Variants in USP6NL observed in about 807,000 individuals in gnomAD.
USP6NL encodes USP6 N-terminal-like protein.
Under a neutral mutation model 61.9 loss-of-function variants are expected in USP6NL, and 26 were observed. The observed-to-expected ratio is 0.42, with a 90% CI of 0.31 to 0.58. USP6NL has a LOEUF of 0.58. Among genes scored for constraint, USP6NL ranks in the 20% least tolerant of loss-of-function variants. The pLI, the probability that USP6NL is intolerant of heterozygous loss-of-function variation, is 0.16. For synonymous variants in USP6NL, 432 were observed against 390.1 expected, an observed-to-expected ratio of 1.11 and a Z score of -1.27; for missense variants, 1,114 against 1,034.3, an observed-to-expected ratio of 1.08 and a Z score of -1.06.
At chr10:11,555,334 GA>G (rs1187852985) in intron 2 of USP6NL, among the ~76,000 whole-genome samples, 2 of 145,956 alleles carry the variant, frequency 1.4e-5, no homozygotes, top group African/African-American at 5.1e-5. Context: ...AGAATAGACT[GA>G]ACACGGGAAG....
chr10:11,485,682 G>C lies in USP6NL; in HGVS notation c.759+135C>G. ...AATCTAATGGTTTGTAAACAACTGG[G>C]AATTATAACTGCATAGTAAATGAAA... On this transcript the variant is annotated intron_variant, in intron 11 of 14. Coordinates refer to ENST00000609104, the MANE Select transcript of USP6NL (RefSeq NM_014688.5). The surrounding 1 kb of genome is among the most constrained non-coding windows in gnomAD (Gnocchi z 4.8). 1.6e-6 allele frequency: 1 copy of C among 616,882 alleles called. No individual in the cohort carries two copies. The highest frequency in any genetic ancestry group is 2.2e-5 in the South Asian group (1 of 46,172). 38.2% of individuals were successfully genotyped at this position (616,882 alleles called of 1,614,324 possible).
chr10:11,507,539 A>G (rs1834504958), intron 6 of USP6NL, among the ~76,000 whole-genome samples: 1 of 152,230 alleles, frequency 6.6e-6, no homozygotes, highest in Admixed American at 6.5e-5. Context: ...GCTCAAAAAG[A>G]AAAGGCTCAT....
intron 2 of USP6NL, among the ~76,000 whole-genome samples, chr10:11,577,657 A>G (rs1029221547): frequency 6.6e-6 from 1 of 151,762 alleles, no homozygotes; most frequent in Non-Finnish European, 1.5e-5. Context: ...CCTTGCCACC[A>G]CACCTATCTT....
chr10:11,501,019 A>G (rs1045850719), intron 7 of USP6NL, 82 bp downstream of exon 7: 107 of 1,085,876 alleles, frequency 9.9e-5, no homozygotes, highest in African/African-American at 1.6e-5. Context: ...GATCATATGA[A>G]TATCTTATGT....
rs35749302 is a variant in USP6NL, at chr10:11,481,311, T to TG, written c.1078+458dup. 0.24 allele frequency among the ~76,000 whole-genome samples: 37,242 copies of TG among 152,134 alleles called. 5,099 individuals carry two copies. Among genetic ancestry groups the TG allele is most frequent in the East Asian group, 0.59 (3,065 of 5,186 alleles). Reference sequence around the variant, plus strand: ...GGCCTGCAGTCTCAGTAATGCTATTTGTGGTTCTGTGGCTTCATATTTAAG... The same window carrying TG: ...GGCCTGCAGTCTCAGTAATGCTATTTGGTGGTTCTGTGGCTTCATATTTAAG... On this transcript the variant is annotated intron_variant, in intron 14 of 14. Transcript: ENST00000609104. The surrounding 1 kb of genome is among the most constrained non-coding windows in gnomAD (Gnocchi z 4.4).
Position 11,528,869 on chromosome 10 carries a change from G to C in USP6NL, c.5-1302C>G, listed in dbSNP as rs1246063472. ...AAGTCAAATCCCTGAAAGTTGAAGG[G>C]ACATGCATGTGTGTAGCAGAGCCGG... is the stretch of plus-strand genomic sequence containing the variant. On this transcript the variant is annotated intron_variant, in intron 2 of 14. Coordinates refer to ENST00000609104, the MANE Select transcript of USP6NL (RefSeq NM_014688.5). The surrounding 1 kb of genome is among the most constrained non-coding windows in gnomAD (Gnocchi z 4.6). Among the ~76,000 whole-genome samples, 2 of 152,100 alleles carry C rather than the reference G, an allele frequency of 1.3e-5. No individual in the cohort carries two copies. Among genetic ancestry groups the C allele is most frequent in the African/African-American group, 4.8e-5 (2 of 41,392 alleles).
intron 4 of USP6NL, among the ~76,000 whole-genome samples, chr10:11,523,087 C>T (rs1000326170): frequency 2.0e-5 from 3 of 152,248 alleles, no homozygotes; most frequent in Non-Finnish European, 4.4e-5. Context: ...ACAGTAAGTG[C>T]ACAATAAATA....
chr10:11,462,932 G>GA lies in USP6NL; in HGVS notation c.1995dup (p.Pro666SerfsTer31). 1 of 1,613,568 alleles carries GA rather than the reference G, an allele frequency of 6.2e-7. No homozygotes were observed. Among genetic ancestry groups the GA allele is most frequent in the Non-Finnish European group, 8.5e-7 (1 of 1,179,680 alleles). On this transcript the variant is annotated frameshift_variant, in exon 15 of 15. Transcript: ENST00000609104. LOFTEE classifies it low-confidence loss of function (END_TRUNC). ...GTAGAACCATGAGGTCTCCTGGAAG[G>GA]ATTCAGTTGAGTCCCAGGGCTAAAC... is the stretch of plus-strand genomic sequence containing the variant.
At chr10:11,521,052 T>A (rs1485888931) in intron 4 of USP6NL, among the ~76,000 whole-genome samples, 1 of 152,172 alleles carries the variant, frequency 6.6e-6, no homozygotes, top group Non-Finnish European at 1.5e-5. Context: ...ACTCTTAAAC[T>A]TTGAAAGTAT....
chr10:11,557,222 TAGAG>T (rs1243736147), intron 2 of USP6NL, among the ~76,000 whole-genome samples: 2 of 152,254 alleles, frequency 1.3e-5, no homozygotes, highest in African/African-American at 4.8e-5. Context: ...TTCAACATAT[TAGAG>T]AGAGAACTTG....
intron 14 of USP6NL, among the ~76,000 whole-genome samples, chr10:11,475,248 G>A (rs1269038237): frequency 1.3e-5 from 2 of 151,352 alleles, no homozygotes; most frequent in African/African-American, 4.9e-5. Flanking sequence ...TTACATTTAA[G>A]GTAACTCTCT....
At chr10:11,579,965 G>GGGGT (rs1566195849) in intron 2 of USP6NL, among the ~76,000 whole-genome samples, 1 of 145,332 alleles carries the variant, frequency 6.9e-6, no homozygotes, top group African/African-American at 2.5e-5. Flanking sequence ...GAGAGTGGCG[G>GGGGT]GGGGGGGGCA....
intron 4 of USP6NL, among the ~76,000 whole-genome samples, chr10:11,521,389 AT>A (rs1045846647): frequency 6.8e-5 from 9 of 131,562 alleles, no homozygotes; most frequent in African/African-American, 8.9e-5. Context: ...TTTTTTTTAA[AT>A]TTTTTTTTTA....
At position 11,596,796 on chromosome 10, in the gene USP6NL, G is replaced by C. The variant is rs192455241; in HGVS notation, c.4+835C>G. On this transcript the variant is annotated intron_variant, in intron 2 of 14. Coordinates refer to ENST00000609104, the MANE Select transcript of USP6NL (RefSeq NM_014688.5). This position sits in a 1 kb window ranked among gnomAD's most constrained non-coding sequence, Gnocchi z 4.1. Reference sequence around the variant, plus strand: ...CACTCCAATATTTTACAACAGCAGCGTCATTTTCACTTATCTACTGCCTAA... The same window carrying C: ...CACTCCAATATTTTACAACAGCAGCCTCATTTTCACTTATCTACTGCCTAA... Among the ~76,000 whole-genome samples, 2 of 152,042 alleles carry C rather than the reference G, an allele frequency of 1.3e-5. No homozygotes were observed. Among genetic ancestry groups the C allele is most frequent in the Non-Finnish European group, 2.9e-5 (2 of 68,006 alleles).
intron 2 of USP6NL, among the ~76,000 whole-genome samples, chr10:11,581,369 A>C (rs898704367): frequency 1.3e-5 from 2 of 152,250 alleles, no homozygotes; most frequent in African/African-American, 4.8e-5. Context: ...TATGCAAAAA[A>C]CACAGACAAG....
intron 2 of USP6NL, among the ~76,000 whole-genome samples, chr10:11,580,753 G>A (rs1387217957): frequency 6.6e-6 from 1 of 152,094 alleles, no homozygotes; most frequent in African/African-American, 2.4e-5. Context: ...AATGACATAG[G>A]AAAAGCTAAC....
Position 11,525,603 on chromosome 10 carries a change from G to T in USP6NL, c.73-135C>A. 1 of 747,276 alleles carries T rather than the reference G, an allele frequency of 1.3e-6. No homozygotes were observed. The highest frequency in any genetic ancestry group is 2.0e-6 in the Non-Finnish European group (1 of 500,688). The allele number at this position is 747,276 out of a possible 1,614,324, so 46.3% of individuals were successfully genotyped here. On this transcript the variant is annotated intron_variant, in intron 3 of 14. Transcript: ENST00000609104. The surrounding 1 kb of genome is among the most constrained non-coding windows in gnomAD (Gnocchi z 5.0). ...AAGAGCTGGAAGTGAGGCATTATGA[G>T]CCTTAACATTTTTTTTTCCCCTTTA...
rs573406685 is a variant in USP6NL, at chr10:11,518,027, T to C, written c.195+508A>G. 1.1e-4 allele frequency among the ~76,000 whole-genome samples: 17 copies of C among 152,380 alleles called. No homozygotes were observed. Among genetic ancestry groups the C allele is most frequent in the African/African-American group, 3.1e-4 (13 of 41,592 alleles). ...TTTTTAAATGTTGACAAGTTTACTATGTAACACTTCTCTAAGTACTTAAAA... is the reference window on the plus strand; with the variant it reads ...TTTTTAAATGTTGACAAGTTTACTACGTAACACTTCTCTAAGTACTTAAAA... On this transcript the variant is annotated intron_variant, in intron 5 of 14. Transcript: ENST00000609104. The surrounding 1 kb of genome is among the most constrained non-coding windows in gnomAD (Gnocchi z 5.3).
chr10:11,523,084 G>C (rs1339813281), intron 4 of USP6NL, among the ~76,000 whole-genome samples: 1 of 146,406 alleles, frequency 6.8e-6, no homozygotes, highest in East Asian at 1.9e-4. Context: ...CACACAGTAA[G>C]TGCACAATAA....
Sources: allele counts gnomAD v4.1 joint callset (sites outside exome capture counted in the v4.1 genomes callset), GRCh38; gene constraint gnomAD v4.1.1; non-coding constraint Gnocchi (gnomAD v3.1); transcripts MANE v1.5; gene names NCBI Gene and HGNC (gene_info 2026-07-23, HGNC 2026-07-21).